The following MAP2 variants were observed in gnomAD, a reference collection of about 807,000 sequenced individuals.
MAP2 encodes microtubule-associated protein 2.
Under a neutral mutation model 137.6 loss-of-function variants are expected in MAP2, and 14 were observed. That is an observed-to-expected ratio of 0.10 (90% CI 0.07 to 0.16). MAP2 has a LOEUF of 0.16. MAP2 is among the 10% of genes least tolerant of loss of function. The pLI, the probability that MAP2 is intolerant of heterozygous loss-of-function variation, is 1.00. For synonymous variants in MAP2, 786 were observed against 782.3 expected, an observed-to-expected ratio of 1.00 and a Z score of -0.08; for missense variants, 2,088 against 2,191.5, an observed-to-expected ratio of 0.95 and a Z score of 0.94.
chr2:209,520,538 G>A (rs1415271214), intron 2 of MAP2, among the ~76,000 whole-genome samples: 1 of 151,814 alleles, frequency 6.6e-6, no homozygotes, highest in Non-Finnish European at 1.5e-5. Flanking sequence ...TGTCACAAGG[G>A]CTTAATCTTT....
chr2:209,561,458 T>C (rs1432842636), intron 2 of MAP2, among the ~76,000 whole-genome samples: 1 of 152,228 alleles, frequency 6.6e-6, no homozygotes, highest in African/African-American at 2.4e-5. Context: ...ATGAAGGTTC[T>C]TCAGTTTCTA....
intron 3 of MAP2, among the ~76,000 whole-genome samples, chr2:209,593,859 TATATATTTATATTATAAAA>T (rs1442537747): frequency 8.9e-6 from 1 of 112,542 alleles, no homozygotes; most frequent in African/African-American, 3.4e-5. Context: ...TATTATAAAA[TATATATTTATATTATAAAA>T]ATATATTTAT....
At chr2:209,546,793 T>G (rs570157731) in intron 2 of MAP2, among the ~76,000 whole-genome samples, 1 of 152,346 alleles carries the variant, frequency 6.6e-6, no homozygotes, top group East Asian at 1.9e-4. Context: ...ATTCTCCAAA[T>G]AATCCAGATT....
chr2:209,589,732 A>T (rs2078740768), intron 3 of MAP2, among the ~76,000 whole-genome samples: 4 of 152,360 alleles, frequency 2.6e-5, no homozygotes, highest in East Asian at 3.9e-4. Context: ...GGATAAATTA[A>T]TAATTCATTG....
intron 1 of MAP2, among the ~76,000 whole-genome samples, chr2:209,474,474 A>AC (rs1706653017): frequency 1.3e-5 from 2 of 152,142 alleles, no homozygotes; most frequent in Non-Finnish European, 2.9e-5. Flanking sequence ...CTATAAAAGC[A>AC]GATTCTCAAT....
At chr2:209,723,445 A>T (rs986797362) in intron 13 of MAP2, 1 of 621,548 alleles carries the variant, frequency 1.6e-6, no homozygotes, top group African/African-American at 1.8e-5. Flanking sequence ...ATGATAGAAC[A>T]GTTCTTCAGT....
chr2:209,693,287 G>A lies in MAP2; in HGVS notation c.1117G>A (p.Glu373Lys), dbSNP rs1439214550. 3.1e-6 allele frequency: 5 copies of A among 1,614,078 alleles called. No homozygotes were observed. The highest frequency in any genetic ancestry group is 4.2e-6 in the Non-Finnish European group (5 of 1,179,992). Residue 373 changes from glutamate to lysine, a missense_variant, in exon 8 of 16, where the codon GAG becomes AAG. Around this residue, in one of 6 missense-constraint regions of MAP2, gnomAD observed 859 missense variants for 794.5 expected, o/e 1.08. Transcript: ENST00000682079. Reference protein sequence around the residue: ...KDSFKIEEPHEAKPDKMAEAP... With the variant: ...KDSFKIEEPHKAKPDKMAEAP... ...TAGTTTTAAAATTGAAGAGCCCCAT[G>A]AGGCTAAACCTGACAAAATGGCAGA... is the stretch of plus-strand genomic sequence containing the variant.
chr2:209,516,440 A>T (rs1227592132), intron 2 of MAP2, among the ~76,000 whole-genome samples: 4 of 152,140 alleles, frequency 2.6e-5, no homozygotes, highest in Non-Finnish European at 5.9e-5. Flanking sequence ...TCTACTTTTT[A>T]AAAAACAGCT....
At chr2:209,565,464 C>T (rs1009324675) in intron 2 of MAP2, among the ~76,000 whole-genome samples, 3 of 152,104 alleles carry the variant, frequency 2.0e-5, no homozygotes, top group South Asian at 4.1e-4. Context: ...AAGCGATCCT[C>T]CCACTTCGGT....
chr2:209,647,649 A>C (rs1171849348), intron 4 of MAP2, among the ~76,000 whole-genome samples: 1 of 152,224 alleles, frequency 6.6e-6, no homozygotes, highest in Admixed American at 6.5e-5. Flanking sequence ...TCAGATCAAC[A>C]AACACTAAAG....
rs147005273 is a variant in MAP2 at position 209,666,772 on chromosome 2, C to T, written c.263-11800C>T. On this transcript the variant is annotated intron_variant, in intron 5 of 15. Coordinates refer to ENST00000682079, the MANE Select transcript of MAP2 (RefSeq NM_001375505.1). The stretch of plus-strand genomic sequence containing the variant: ...TATGTGAAGAAAAAAATTTTATCAT[C>T]TTATGATGGAATTACTAGATAAGTT... Among the ~76,000 whole-genome samples, 1,187 of 151,452 alleles carry T rather than the reference C, an allele frequency of 7.8e-3. 17 individuals carry two copies. Among genetic ancestry groups the T allele is most frequent in the African/African-American group, 0.027 (1,104 of 41,290 alleles).
intron 13 of MAP2, among the ~76,000 whole-genome samples, chr2:209,725,223 A>G (rs2153811615): frequency 6.6e-6 from 1 of 152,358 alleles, no homozygotes; most frequent in South Asian, 2.1e-4. Context: ...CATCTAGCTA[A>G]GATATGACAA....
chr2:209,657,394 A>G (rs1464460366), intron 5 of MAP2, among the ~76,000 whole-genome samples: 1 of 152,234 alleles, frequency 6.6e-6, no homozygotes, highest in Non-Finnish European at 1.5e-5. Flanking sequence ...ATTCCCGTCA[A>G]CATTGTTTAA....
At chr2:209,478,416 C>T (rs1041376019) in intron 1 of MAP2, among the ~76,000 whole-genome samples, 2 of 152,164 alleles carry the variant, frequency 1.3e-5, no homozygotes, top group African/African-American at 4.8e-5. Flanking sequence ...GAGCAGCACT[C>T]AGTGATTATT....
intron 1 of MAP2, among the ~76,000 whole-genome samples, chr2:209,432,128 G>T (rs2149293012): frequency 1.3e-5 from 2 of 152,220 alleles, no homozygotes; most frequent in South Asian, 4.1e-4. Flanking sequence ...AAAATAGGCA[G>T]GTTGAAACTT....
chr2:209,542,831 G>T (rs1315586521), intron 2 of MAP2, among the ~76,000 whole-genome samples: 1 of 152,212 alleles, frequency 6.6e-6, no homozygotes, highest in African/African-American at 2.4e-5. Flanking sequence ...TTAAGGGAAT[G>T]TTGTGGATAG....
intron 1 of MAP2, among the ~76,000 whole-genome samples, chr2:209,503,007 T>C (rs1559246209): frequency 1.0e-5 from 1 of 99,938 alleles, no homozygotes; most frequent in African/African-American, 2.9e-5. Context: ...TTCTTTTTTT[T>C]TTTTTTTTTC....
chr2:209,696,679 A>G lies in MAP2; in HGVS notation c.4318A>G (p.Thr1440Ala), dbSNP rs1396029239. ...PFKTGRGRIS[T>A]PERKVAKKEP... ...TAAAACCGGGAGAGGCAGAATTTCC[A>G]CTCCTGAAAGAAAAGTAGCTAAAAA... The change falls in exon 9 of 16, where the codon ACT (threonine) becomes GCT (alanine). Residue 1440 changes from threonine to alanine, a missense_variant. This residue lies in a region of MAP2 where 591 missense variants were observed against 642.6 expected (regional missense o/e 0.92). Coordinates refer to ENST00000682079, the MANE Select transcript of MAP2 (RefSeq NM_001375505.1). The G allele has an allele frequency of 6.2e-7, 1 of 1,613,900 alleles. No homozygotes were observed. Among genetic ancestry groups the G allele is most frequent in the East Asian group, 2.2e-5 (1 of 44,836 alleles).
chr2:209,656,728 T>C (rs538844576), intron 5 of MAP2, among the ~76,000 whole-genome samples: 83 of 152,186 alleles, frequency 5.5e-4, no homozygotes, highest in African/African-American at 1.9e-3. Context: ...GCTGTCGTTA[T>C]AATAAGTCTA....
Sources: gnomAD v4.1 joint callset for allele counts (sites outside exome capture counted in the v4.1 genomes callset) on GRCh38, gnomAD v4.1.1 for gene constraint, gnomAD v4.1.1 regional missense constraint, MANE v1.5 for transcripts, NCBI Gene and HGNC (gene_info 2026-07-23, HGNC 2026-07-21) for gene names.